SNAPC3: variants seen among roughly 807,000 people sequenced by gnomAD.
SNAPC3 encodes the protein snRNA-activating protein complex subunit 3.
Under a neutral mutation model 47.7 loss-of-function variants are expected in SNAPC3, and 56 were observed. The ratio of observed to expected loss-of-function variants is 1.18; its 90% CI spans 0.95 to 1.47. The LOEUF is 1.47. SNAPC3 is among the 40% of genes most tolerant of loss of function. SNAPC3 has a pLI of 0.00. For synonymous variants in SNAPC3, 235 were observed against 189.9 expected, an observed-to-expected ratio of 1.24 and a Z score of -1.95; for missense variants, 665 against 511.3, an observed-to-expected ratio of 1.30 and a Z score of -2.90.
At chr9:15,459,435 G>C (rs1293788987) in intron 8 of SNAPC3, among the ~76,000 whole-genome samples, 1 of 152,164 alleles carries the variant, frequency 6.6e-6, no homozygotes, top group Non-Finnish European at 1.5e-5. Flanking sequence ...TGGCAAATGT[G>C]TGATGCTTTC....
At chr9:15,432,739 A>G (rs1214558071) in intron 2 of SNAPC3, among the ~76,000 whole-genome samples, 1 of 152,224 alleles carries the variant, frequency 6.6e-6, no homozygotes, top group East Asian at 1.9e-4. Context: ...TATAATTCCA[A>G]TGAATAAATG....
At chr9:15,455,583 T>C (rs2034718054) in intron 7 of SNAPC3, among the ~76,000 whole-genome samples, 1 of 152,126 alleles carries the variant, frequency 6.6e-6, no homozygotes, top group Non-Finnish European at 1.5e-5. Flanking sequence ...AAAAAAATTA[T>C]ATAAGCTGTT....
chr9:15,433,945 G>A (rs1462845656), intron 3 of SNAPC3: 4 of 195,330 alleles, frequency 2.0e-5, no homozygotes, highest in Admixed American at 5.9e-5. Context: ...CCTGATTTTG[G>A]TTTAACCACA....
intron 1 of SNAPC3, 79 bp downstream of exon 1, chr9:15,423,272 AT>A: frequency 7.3e-7 from 1 of 1,366,214 alleles, no homozygotes; most frequent in Non-Finnish European, 9.7e-7. Flanking sequence ...TCTGGGACTC[AT>A]CCCTGAGAAG....
intron 3 of SNAPC3, among the ~76,000 whole-genome samples, chr9:15,435,844 C>CTTTTTTTTTTTTTTTTTTTTTTTTTCTTT (rs57744583): frequency 8.1e-6 from 1 of 123,842 alleles, no homozygotes; most frequent in African/African-American, 3.0e-5. Flanking sequence ...ACTTTTCTTT[C>CTTTTTTTTTTTTTTTTTTTTTTTTTCTTT]TTTTTTTTTT....
chr9:15,453,011 A>C (rs368876645), intron 6 of SNAPC3, 30 bp from the exon 7 acceptor site: 4 of 1,549,694 alleles, frequency 2.6e-6, no homozygotes, highest in Non-Finnish European at 3.5e-6. Flanking sequence ...TTGTGGAAAA[A>C]TGATATATCC....
intron 6 of SNAPC3, among the ~76,000 whole-genome samples, chr9:15,452,349 G>A (rs1338010946): frequency 2.3e-5 from 3 of 132,030 alleles, no homozygotes; most frequent in African/African-American, 8.3e-5. Flanking sequence ...AGACAGTTTC[G>A]CTCTTGTTGC....
intron 3 of SNAPC3, among the ~76,000 whole-genome samples, chr9:15,440,231 A>G (rs1343335283): frequency 6.6e-6 from 1 of 152,248 alleles, no homozygotes; most frequent in African/African-American, 2.4e-5. Context: ...GTACAATAAT[A>G]CTGGCTTCTA....
intron 3 of SNAPC3, among the ~76,000 whole-genome samples, chr9:15,441,255 A>G (rs944769289): frequency 6.6e-6 from 1 of 150,734 alleles, no homozygotes; most frequent in African/African-American, 2.4e-5. Context: ...TCATTTATAT[A>G]CCCTGAAGTG....
chr9:15,459,908 G>C lies in SNAPC3; in HGVS notation c.*42G>C, dbSNP rs1587426984. 4 of 1,565,318 alleles carry C rather than the reference G, an allele frequency of 2.6e-6. No homozygotes were observed. The African/African-American group carries it at 4.1e-5, about 16-fold the overall frequency. On this transcript the variant is annotated 3_prime_UTR_variant, in exon 9 of 9. Coordinates refer to ENST00000380821, the MANE Select transcript of SNAPC3 (RefSeq NM_001039697.2). ...AAAAATACCCCCTCATGAAATAACT[G>C]TTCTCTTGGATGGTTACCTTATTTC...
chr9:15,439,887 T>A (rs2033170347), intron 3 of SNAPC3, among the ~76,000 whole-genome samples: 1 of 152,234 alleles, frequency 6.6e-6, no homozygotes, highest in South Asian at 2.1e-4. Context: ...TTATACACAG[T>A]CCTCAACCTA....
At chr9:15,449,655 C>T (rs1387757692) in intron 5 of SNAPC3, among the ~76,000 whole-genome samples, 2 of 145,156 alleles carry the variant, frequency 1.4e-5, no homozygotes, top group African/African-American at 5.1e-5. Flanking sequence ...ACTGCAACCT[C>T]TGCCTCTCGG....
At chr9:15,434,314 C>T (rs1446405012) in intron 3 of SNAPC3, among the ~76,000 whole-genome samples, 4 of 152,128 alleles carry the variant, frequency 2.6e-5, no homozygotes, top group Admixed American at 2.0e-4. Context: ...CTCCTGCAGC[C>T]CCTGCTAACC....
intron 7 of SNAPC3, among the ~76,000 whole-genome samples, chr9:15,454,888 C>T (rs7870741): frequency 0.026 from 3,880 of 152,152 alleles, 148 homozygotes; most frequent in African/African-American, 0.087. Context: ...GAGCTGAGAT[C>T]GTGCCACTGC....
intron 3 of SNAPC3, among the ~76,000 whole-genome samples, chr9:15,437,891 T>C (rs2032980416): frequency 1.3e-5 from 2 of 152,214 alleles, no homozygotes; most frequent in Admixed American, 1.3e-4. Context: ...GCTTTGCTAG[T>C]ATTTTGTTGA....
At chr9:15,459,084 A>G (rs372875805) in intron 8 of SNAPC3, among the ~76,000 whole-genome samples, 17 of 152,340 alleles carry the variant, frequency 1.1e-4, no homozygotes, top group African/African-American at 2.9e-4. Context: ...TGAAAGATCA[A>G]TAGGAAAACA....
At chr9:15,428,364 CCGGT>C (rs1404945901) in intron 2 of SNAPC3, among the ~76,000 whole-genome samples, 7 of 151,842 alleles carry the variant, frequency 4.6e-5, no homozygotes, top group Non-Finnish European at 1.0e-4. Flanking sequence ...TTAAGTCTAG[CCGGT>C]CGTGGTGGCG....
intron 2 of SNAPC3, among the ~76,000 whole-genome samples, chr9:15,427,681 T>G (rs2031600448): frequency 1.3e-5 from 2 of 152,164 alleles, no homozygotes; most frequent in South Asian, 4.1e-4. Flanking sequence ...AATAGAAATT[T>G]TAGATTATTC....
At position 15,426,688 on chromosome 9, in the gene SNAPC3, C is replaced by G. The variant is rs979825353; in HGVS notation, c.392+2702C>G. On this transcript the variant is annotated intron_variant, in intron 2 of 8. Transcript: ENST00000380821. ...ATTGATTTATAGTAATTTTGTTAAGCCATGTTAAATAGTAATTTTAAGACT... is the reference window on the plus strand; with the variant it reads ...ATTGATTTATAGTAATTTTGTTAAGGCATGTTAAATAGTAATTTTAAGACT... Among the ~76,000 whole-genome samples, 8 of 152,206 alleles carry G rather than the reference C, an allele frequency of 5.3e-5. No homozygotes were observed. In the South Asian group the frequency reaches 1.2e-3, roughly 24 times the overall value.
Sources: gnomAD v4.1 joint callset for allele counts (sites outside exome capture counted in the v4.1 genomes callset) on GRCh38, gnomAD v4.1.1 for gene constraint, MANE v1.5 for transcripts, NCBI Gene and HGNC (gene_info 2026-07-23, HGNC 2026-07-21) for gene names.